The following PCDHGB2 variants were observed in gnomAD, a reference collection of about 807,000 sequenced individuals.
The protein encoded by PCDHGB2 is protocadherin gamma subfamily B, 2.
In PCDHGB2, 55 loss-of-function variants were observed where a neutral mutation model predicts 59.3. The observed-to-expected ratio is 0.93, with a 90% CI of 0.75 to 1.16. The LOEUF (loss-of-function observed/expected upper bound fraction) is 1.16, where lower values mean the gene tolerates loss of function less well. PCDHGB2 is among the 50% of genes most tolerant of loss of function. The pLI is 0.00. For synonymous variants in PCDHGB2, 516 were observed against 512.0 expected, an observed-to-expected ratio of 1.01 and a Z score of -0.11; for missense variants, 1,228 against 1,198.5, an observed-to-expected ratio of 1.02 and a Z score of -0.36.
intron 1 of PCDHGB2, chr5:141,382,935 A>G: frequency 6.3e-7 from 1 of 1,589,148 alleles, no homozygotes; most frequent in Admixed American, 1.7e-5. Flanking sequence ...ACTACAGAGG[A>G]TTCTTCCTGC....
At chr5:141,393,197 T>C (rs1470064881) in intron 1 of PCDHGB2, 1 of 1,613,448 alleles carries the variant, frequency 6.2e-7, no homozygotes, top group South Asian at 1.1e-5. Context: ...ATATTAACGA[T>C]AATAACCCAA....
rs540507159 is a variant in PCDHGB2 at position 141,422,671 on chromosome 5, A to G, written c.2421+60115A>G. On this transcript the variant is annotated intron_variant, in intron 1 of 3. Coordinates refer to ENST00000522605, the MANE Select transcript of PCDHGB2 (RefSeq NM_018923.3). The stretch of plus-strand genomic sequence containing the variant: ...CTCAGTGACCGCCCTCGACCCGGAC[A>G]GCAAACAGAATGCCCTGGTCACTTA... 4 of 1,607,248 alleles carry G rather than the reference A, an allele frequency of 2.5e-6. No homozygotes were observed. The Admixed American group carries it at 5.0e-5, about 20-fold the overall frequency.
At chr5:141,368,431 A>G (rs376859316) in intron 1 of PCDHGB2, among the ~76,000 whole-genome samples, 2 of 152,264 alleles carry the variant, frequency 1.3e-5, no homozygotes, top group African/African-American at 4.8e-5. Flanking sequence ...TCTGACCAAA[A>G]TGTAAAATGT....
At chr5:141,419,302 C>T in intron 1 of PCDHGB2, 1 of 1,614,024 alleles carries the variant, frequency 6.2e-7, no homozygotes, top group East Asian at 2.2e-5. Context: ...ACCCAGACTT[C>T]GGGCTCAACG....
intron 1 of PCDHGB2, among the ~76,000 whole-genome samples, chr5:141,436,557 A>G (rs1224841336): frequency 6.6e-6 from 1 of 152,218 alleles, no homozygotes; most frequent in Non-Finnish European, 1.5e-5. Flanking sequence ...GAGCTTCAGC[A>G]AAGTAGGAAT....
At position 141,487,611 on chromosome 5, in the gene PCDHGB2, T is replaced by C. The variant is rs1215704705; in HGVS notation, c.2422-7196T>C. ...CCACCCTCTGATCTTCTCTATGGGCTAGAGGTGAGACCTTTGCAGGCTCAA... is the reference window on the plus strand; with the variant it reads ...CCACCCTCTGATCTTCTCTATGGGCCAGAGGTGAGACCTTTGCAGGCTCAA... On this transcript the variant is annotated intron_variant, in intron 1 of 3. Transcript: ENST00000522605. This position sits in a 1 kb window ranked among gnomAD's most constrained non-coding sequence, Gnocchi z 5.0. The C allele has an allele frequency of 1.2e-6, 2 of 1,614,206 alleles. No homozygotes were observed. The highest frequency in any genetic ancestry group is 1.7e-6 in the Non-Finnish European group (2 of 1,180,036).
rs115982940 is a variant in PCDHGB2, at chr5:141,457,996, G to A, written c.2422-36811G>A. On this transcript the variant is annotated intron_variant, in intron 1 of 3. Transcript: ENST00000522605. ...AACACACCCTTTCAGTTAAAGCCTTGGCAAAATAACCGGTTTTTCCAATTG... is the reference window on the plus strand; with the variant it reads ...AACACACCCTTTCAGTTAAAGCCTTAGCAAAATAACCGGTTTTTCCAATTG... Among the ~76,000 whole-genome samples the A allele has an allele frequency of 2.4e-3, 372 of 152,212 alleles. 2 individuals carry two copies. Among genetic ancestry groups the A allele is most frequent in the African/African-American group, 8.4e-3 (347 of 41,522 alleles).
chr5:141,404,651 C>T, intron 1 of PCDHGB2: 2 of 1,614,184 alleles, frequency 1.2e-6, no homozygotes, highest in Non-Finnish European at 1.7e-6. Flanking sequence ...GTACCCTGCC[C>T]TCCCCACTGA....
intron 1 of PCDHGB2, among the ~76,000 whole-genome samples, chr5:141,471,692 C>A (rs1293253544): frequency 6.6e-6 from 1 of 152,118 alleles, no homozygotes; most frequent in African/African-American, 2.4e-5. Context: ...TTCTGAAATT[C>A]TGGCTGGAAT....
chr5:141,421,280 G>T (rs564480755), intron 1 of PCDHGB2: 1 of 1,612,948 alleles, frequency 6.2e-7, no homozygotes, highest in African/African-American at 1.3e-5. Context: ...CTGCTGCTGT[G>T]CATTTTCCTG....
rs35821115 is a variant in PCDHGB2, at chr5:141,460,961, ATGTG to A, written c.2422-33826_2422-33823del. 3.6e-3 allele frequency among the ~76,000 whole-genome samples: 519 copies of A among 144,600 alleles called. 3 individuals carry two copies. The highest frequency in any genetic ancestry group is 4.3e-3 in the African/African-American group (168 of 38,712). The allele number at this position is 144,600 out of a possible 152,430, so 94.9% of individuals were successfully genotyped here. A position where few individuals can be genotyped will look rare whatever the true frequency, so the allele number is the denominator to read the frequency against. ...ATATATATGTATTATGTATATATAT[ATGTG>A]TGTGTGTGTGTGTGTGTGTATATAT... On this transcript the variant is annotated intron_variant, in intron 1 of 3. Transcript: ENST00000522605.
At chr5:141,415,895 G>A in intron 1 of PCDHGB2, 1 of 898,210 alleles carries the variant, frequency 1.1e-6, no homozygotes, top group Non-Finnish European at 1.5e-6. Flanking sequence ...CAATTCCTAA[G>A]ACAGACTTCC....
chr5:141,421,524 G>A (rs375937711), intron 1 of PCDHGB2: 25 of 1,613,940 alleles, frequency 1.5e-5, no homozygotes, highest in Admixed American at 5.0e-5. Context: ...TCTGTGAGAC[G>A]GTGTCCTCCT....
intron 1 of PCDHGB2, chr5:141,419,317 T>G: frequency 1.2e-6 from 2 of 1,613,952 alleles, no homozygotes; most frequent in Non-Finnish European, 1.7e-6. Context: ...TCAACGGCCG[T>G]GTCTCCTACT....
At chr5:141,509,169 T>C (rs1321257504) in intron 3 of PCDHGB2, among the ~76,000 whole-genome samples, 2 of 152,174 alleles carry the variant, frequency 1.3e-5, no homozygotes, top group African/African-American at 4.8e-5. Context: ...TGTGCCCTCC[T>C]CCTCTTATGC....
At chr5:141,482,530 CAAAAAAAAA>C (rs3074545) in intron 1 of PCDHGB2, among the ~76,000 whole-genome samples, 16 of 76,560 alleles carry the variant, frequency 2.1e-4, no homozygotes, top group African/African-American at 7.7e-4. Context: ...GACAGACATG[CAAAAAAAAA>C]AAAAAAAAAA....
At chr5:141,366,416 G>T (rs767881897) in intron 1 of PCDHGB2, 1 of 1,614,118 alleles carries the variant, frequency 6.2e-7, no homozygotes, top group Non-Finnish European at 8.5e-7. Flanking sequence ...TCTTGTGGTG[G>T]CAGTGGCTGC....
Position 141,511,225 on chromosome 5 carries a change from C to A in PCDHGB2, c.*52C>A. ...GGCGGCCTCTCCCCAACCAGCCCAG[C>A]TTCTCCTTACCTGCACCCAGGCCTC... On this transcript the variant is annotated 3_prime_UTR_variant, in exon 4 of 4. Transcript: ENST00000522605. The A allele has an allele frequency of 6.2e-7, 1 of 1,601,624 alleles. No individual in the cohort carries two copies. Among genetic ancestry groups the A allele is most frequent in the Non-Finnish European group, 8.5e-7 (1 of 1,174,162 alleles).
intron 3 of PCDHGB2, among the ~76,000 whole-genome samples, chr5:141,510,048 G>GTGAT (rs1392197406): frequency 1.3e-5 from 2 of 152,192 alleles, no homozygotes; most frequent in Non-Finnish European, 2.9e-5. Context: ...GAGGTTAAAA[G>GTGAT]TGATTGTGCA....
Sources: gnomAD v4.1 joint callset for allele counts (sites outside exome capture counted in the v4.1 genomes callset) on GRCh38, gnomAD v4.1.1 for gene constraint, Gnocchi (gnomAD v3.1) non-coding constraint, MANE v1.5 for transcripts, NCBI Gene and HGNC (gene_info 2026-07-23, HGNC 2026-07-21) for gene names.